MAP3K5: variants seen among roughly 807,000 people sequenced by gnomAD.
The protein encoded by MAP3K5 is ASK-1.
Under a neutral mutation model 158.7 loss-of-function variants are expected in MAP3K5, and 56 were observed. That is an observed-to-expected ratio of 0.35 (90% CI 0.28 to 0.44). MAP3K5 has a LOEUF of 0.44. Ranked by LOEUF, MAP3K5 falls within the 20% of genes least tolerant of loss-of-function variation. The pLI, the probability that MAP3K5 is intolerant of heterozygous loss-of-function variation, is 1.00. For missense variants in MAP3K5, 1,294 were observed against 1,674.8 expected (o/e 0.77, Z 3.97); for synonymous variants, 579 against 601.7 (o/e 0.96, Z 0.55).
chr6:136,577,723 A>G (rs993221435), intron 25 of MAP3K5, among the ~76,000 whole-genome samples: 7 of 152,246 alleles, frequency 4.6e-5, no homozygotes, highest in Non-Finnish European at 1.0e-4. Context: ...TCATGGAAAC[A>G]TTGCAAAGAT....
At chr6:136,738,439 A>C (rs902899103) in intron 1 of MAP3K5, among the ~76,000 whole-genome samples, 3 of 152,154 alleles carry the variant, frequency 2.0e-5, no homozygotes, top group African/African-American at 7.2e-5. Context: ...GACAGCTTCT[A>C]ATTCACATTG....
chr6:136,729,401 C>T (rs1466359276), intron 1 of MAP3K5, among the ~76,000 whole-genome samples: 1 of 152,210 alleles, frequency 6.6e-6, no homozygotes, highest in Non-Finnish European at 1.5e-5. Context: ...TAGGTATTTA[C>T]TGCACAAAAC....
In MAP3K5 at chr6:136,611,498, C is replaced by T. The variant is rs1033765007; in HGVS notation, c.2416-111G>A. On this transcript the variant is annotated intron_variant, in intron 17 of 29. Transcript: ENST00000359015. ...AAAAAGGTGTCCTTACAGCTACCAA[C>T]GACATTAATTCTGTATTCTTCATTA... 7.9e-5 allele frequency: 47 copies of T among 592,000 alleles called. No homozygotes were observed. The Admixed American group carries it at 1.1e-3, about 14-fold the overall frequency. The allele number at this position is 592,000 out of a possible 1,614,324, so 36.7% of individuals were successfully genotyped here. A position where few individuals can be genotyped will look rare whatever the true frequency, so the allele number is the denominator to read the frequency against.
At chr6:136,772,106 G>T (rs1341729911) in intron 1 of MAP3K5, among the ~76,000 whole-genome samples, 1 of 143,212 alleles carries the variant, frequency 7.0e-6, no homozygotes, top group East Asian at 2.3e-4. Flanking sequence ...AATGGGGGGG[G>T]GGGGTTTACC....
At chr6:136,712,786 C>T (rs1393687530) in intron 2 of MAP3K5, among the ~76,000 whole-genome samples, 2 of 152,156 alleles carry the variant, frequency 1.3e-5, no homozygotes, top group East Asian at 3.9e-4. Context: ...TTCCCCCATA[C>T]TGTTCTCGTG....
chr6:136,614,355 C>T (rs925407205), intron 15 of MAP3K5, 69 bp from the exon 16 acceptor site: 1 of 1,544,462 alleles, frequency 6.5e-7, no homozygotes, highest in Non-Finnish European at 8.8e-7. Context: ...TTAAACAATA[C>T]AAATGGAAAA....
chr6:136,667,973 CTTTA>C (rs900012275), intron 8 of MAP3K5, among the ~76,000 whole-genome samples: 3 of 152,130 alleles, frequency 2.0e-5, no homozygotes, highest in African/African-American at 7.2e-5. Flanking sequence ...AATATTCTGA[CTTTA>C]TTTAGCTTCA....
intron 1 of MAP3K5, among the ~76,000 whole-genome samples, chr6:136,725,819 T>C (rs1218900371): frequency 6.6e-6 from 1 of 152,246 alleles, no homozygotes; most frequent in Non-Finnish European, 1.5e-5. Flanking sequence ...AGAAGTTTTA[T>C]AGCTTTATGT....
intron 1 of MAP3K5, among the ~76,000 whole-genome samples, chr6:136,734,809 T>C (rs1782386726): frequency 6.6e-6 from 1 of 152,218 alleles, no homozygotes; most frequent in African/African-American, 2.4e-5. Flanking sequence ...TCACACAGAG[T>C]AGCCCTTTGT....
In MAP3K5 at chr6:136,562,655, A is replaced by G. The variant is rs753152616; in HGVS notation, c.3762-40T>C. On this transcript the variant is annotated intron_variant, in intron 26 of 29. Coordinates refer to ENST00000359015, the MANE Select transcript of MAP3K5 (RefSeq NM_005923.4). ...TATATTGTTTGACAGGAGGTGACAC[A>G]GGGTGACCTTCTTTTTTTTATTTTT... The G allele has an allele frequency of 7.8e-6, 8 of 1,029,482 alleles. No homozygotes were observed. In the South Asian group the frequency reaches 8.7e-5, roughly 11 times the overall value. 63.8% of individuals were successfully genotyped at this position (1,029,482 alleles called of 1,614,324 possible). A position where few individuals can be genotyped will look rare whatever the true frequency, so the allele number is the denominator to read the frequency against.
intron 21 of MAP3K5, among the ~76,000 whole-genome samples, chr6:136,593,328 T>C (rs1775478711): frequency 6.6e-6 from 1 of 152,182 alleles, no homozygotes; most frequent in East Asian, 1.9e-4. Flanking sequence ...CCTCAAACAT[T>C]GGTTTTAAAG....
intron 26 of MAP3K5, among the ~76,000 whole-genome samples, chr6:136,563,575 C>T (rs772579831): frequency 2.0e-5 from 3 of 152,030 alleles, no homozygotes; most frequent in Non-Finnish European, 4.4e-5. Flanking sequence ...ACATTCAGTT[C>T]CTAGTTGGCA....
intron 1 of MAP3K5, among the ~76,000 whole-genome samples, chr6:136,730,261 G>A (rs937571768): frequency 2.0e-5 from 3 of 150,500 alleles, no homozygotes; most frequent in Admixed American, 1.3e-4. Context: ...GGCCTCCCAA[G>A]TGCTGGGATA....
intron 1 of MAP3K5, among the ~76,000 whole-genome samples, chr6:136,733,589 CT>C (rs1278336499): frequency 6.6e-6 from 1 of 152,038 alleles, no homozygotes; most frequent in Non-Finnish European, 1.5e-5. Flanking sequence ...TATGCCTTAA[CT>C]TTTTTTTGTC....
At chr6:136,595,312 C>G (rs1775575327) in intron 21 of MAP3K5, among the ~76,000 whole-genome samples, 1 of 152,138 alleles carries the variant, frequency 6.6e-6, no homozygotes, top group Admixed American at 6.5e-5. Flanking sequence ...GCCATGTCGG[C>G]CAGGCTGGTC....
At chr6:136,621,692 T>C (rs1210102308) in intron 15 of MAP3K5, among the ~76,000 whole-genome samples, 1 of 152,198 alleles carries the variant, frequency 6.6e-6, no homozygotes, top group Non-Finnish European at 1.5e-5. Context: ...AGAGTTGGGC[T>C]AAATTTGGTA....
At chr6:136,563,520 A>G (rs1262919237) in intron 26 of MAP3K5, among the ~76,000 whole-genome samples, 2 of 152,074 alleles carry the variant, frequency 1.3e-5, no homozygotes, top group Admixed American at 1.3e-4. Context: ...CTTCCTTCTA[A>G]GGGGGCGGGG....
chr6:136,757,579 AT>A (rs776508913), intron 1 of MAP3K5, among the ~76,000 whole-genome samples: 7 of 112,014 alleles, frequency 6.2e-5, no homozygotes, highest in East Asian at 3.0e-4. Flanking sequence ...TTATTTATTT[AT>A]TTTTTATTTT....
chr6:136,630,875 ATC>A (rs1431947550), intron 14 of MAP3K5, among the ~76,000 whole-genome samples: 1 of 152,188 alleles, frequency 6.6e-6, no homozygotes, highest in East Asian at 1.9e-4. Context: ...CACATCTGTA[ATC>A]TCTGCATTTT....
Sources: gnomAD v4.1 joint callset for allele counts (sites outside exome capture counted in the v4.1 genomes callset) on GRCh38, gnomAD v4.1.1 for gene constraint, MANE v1.5 for transcripts, NCBI Gene and HGNC (gene_info 2026-07-23, HGNC 2026-07-21) for gene names.